Variants in STAG1 observed in about 807,000 individuals in gnomAD.
STAG1 encodes the protein STAG1 cohesin complex component, also known as cohesin subunit SA-1.
Under a neutral mutation model 170.9 loss-of-function variants are expected in STAG1, and 26 were observed. That is an observed-to-expected ratio of 0.15 (90% CI 0.11 to 0.21). STAG1 has a LOEUF of 0.21. STAG1 is among the 10% of genes least tolerant of loss of function. The pLI is 1.00. For synonymous variants in STAG1, 514 were observed against 497.7 expected (o/e 1.03, Z -0.44); for missense variants, 964 against 1,509.5 (o/e 0.64, Z 5.99).
At chr3:136,657,005 A>G (rs1033240921) in intron 1 of STAG1, among the ~76,000 whole-genome samples, 2 of 151,482 alleles carry the variant, frequency 1.3e-5, no homozygotes, top group Admixed American at 6.6e-5. Flanking sequence ...CTACTTTATA[A>G]TAGCCAAAAA....
chr3:136,690,461 T>C (rs1942685701), intron 1 of STAG1, among the ~76,000 whole-genome samples: 1 of 152,224 alleles, frequency 6.6e-6, no homozygotes, highest in Non-Finnish European at 1.5e-5. Context: ...GGTCTCAAAC[T>C]CCTGACCTCA....
At chr3:136,401,256 C>A (rs771224216) in intron 21 of STAG1, among the ~76,000 whole-genome samples, 3 of 152,086 alleles carry the variant, frequency 2.0e-5, no homozygotes, top group Non-Finnish European at 4.4e-5. Context: ...TAAGATACAT[C>A]AAGTATTCAA....
At chr3:136,345,455 G>GTTTTTTT (rs34593330) in intron 29 of STAG1, among the ~76,000 whole-genome samples, 10 of 99,274 alleles carry the variant, frequency 1.0e-4, no homozygotes, top group African/African-American at 1.3e-4. Flanking sequence ...TTACCTAGTT[G>GTTTTTTT]TTTTTTTTTT....
chr3:136,728,665 T>C (rs1324205632), intron 1 of STAG1, among the ~76,000 whole-genome samples: 3 of 152,234 alleles, frequency 2.0e-5, no homozygotes, highest in African/African-American at 7.2e-5. Flanking sequence ...TATTACTATA[T>C]TACTTTCTCT....
intron 3 of STAG1, among the ~76,000 whole-genome samples, chr3:136,604,892 C>G (rs148662589): frequency 1.3e-5 from 2 of 152,124 alleles, no homozygotes; most frequent in African/African-American, 4.8e-5. Context: ...TCAAATGATT[C>G]GCCCACCTTG....
intron 1 of STAG1, among the ~76,000 whole-genome samples, chr3:136,705,991 G>A (rs1362656833): frequency 1.3e-5 from 2 of 151,392 alleles, no homozygotes; most frequent in African/African-American, 2.4e-5. Flanking sequence ...GATCACTTGG[G>A]CACAGGAGAT....
intron 1 of STAG1, among the ~76,000 whole-genome samples, chr3:136,743,732 T>G (rs1034292172): frequency 6.6e-5 from 10 of 152,180 alleles, no homozygotes; most frequent in Admixed American, 5.9e-4. Context: ...CCCAACCTTT[T>G]TTATGAAGCC....
chr3:136,378,761 A>G (rs1159477828), intron 22 of STAG1, among the ~76,000 whole-genome samples: 1 of 152,210 alleles, frequency 6.6e-6, no homozygotes, highest in African/African-American at 2.4e-5. Flanking sequence ...TGATCCTAAG[A>G]AACAGTAATT....
At chr3:136,674,102 C>CA (rs1172904659) in intron 1 of STAG1, among the ~76,000 whole-genome samples, 233 of 44,144 alleles carry the variant, frequency 5.3e-3, no homozygotes, top group Middle Eastern at 0.024. Context: ...GACTCTGTCT[C>CA]AAAAAAAAAA....
chr3:136,440,300 G>A (rs564083766), intron 15 of STAG1, among the ~76,000 whole-genome samples: 2 of 152,116 alleles, frequency 1.3e-5, no homozygotes, highest in East Asian at 3.9e-4. Flanking sequence ...ACCAGGCCTG[G>A]CTAATTTTTC....
At chr3:136,527,280 C>T (rs371094103) in intron 6 of STAG1, among the ~76,000 whole-genome samples, 1 of 152,304 alleles carries the variant, frequency 6.6e-6, no homozygotes, top group East Asian at 1.9e-4. Context: ...TTCTTGGAGG[C>T]TTTGTTTGTT....
chr3:136,633,962 T>TTA lies in STAG1; in HGVS notation c.-83-2982_-83-2981insTA, dbSNP rs1212800689. Among the ~76,000 whole-genome samples the TTA allele has an allele frequency of 6.0e-5, 3 of 50,356 alleles. No homozygotes were observed. The East Asian group carries it at 4.6e-3, about 78-fold the overall frequency. 33.0% of individuals were successfully genotyped at this position (50,356 alleles called of 152,430 possible). The stretch of plus-strand genomic sequence containing the variant: ...AACATGGTGAAACCCTGTCTCTACT[T>TTA]AAAAAAAAAAAAAAAAAAAAAAAAA... On this transcript the variant is annotated intron_variant, in intron 1 of 33. Transcript: ENST00000383202.
At chr3:136,556,756 C>T (rs548827747) in intron 5 of STAG1, among the ~76,000 whole-genome samples, 2 of 151,886 alleles carry the variant, frequency 1.3e-5, no homozygotes, top group South Asian at 4.2e-4. Flanking sequence ...CTAATTCCTG[C>T]ATTTTTTGTA....
At chr3:136,400,079 C>A (rs1179773314) in intron 21 of STAG1, among the ~76,000 whole-genome samples, 1 of 151,826 alleles carries the variant, frequency 6.6e-6, no homozygotes, top group South Asian at 2.1e-4. Context: ...TGCACCACCA[C>A]ATCTGGTTAA....
intron 1 of STAG1, among the ~76,000 whole-genome samples, chr3:136,675,003 A>G (rs568440961): frequency 1.3e-5 from 2 of 152,352 alleles, no homozygotes; most frequent in African/African-American, 4.8e-5. Flanking sequence ...AACCTATTTA[A>G]ACATAATTAA....
chr3:136,416,238 C>A (rs2087768431), intron 21 of STAG1, among the ~76,000 whole-genome samples: 1 of 152,124 alleles, frequency 6.6e-6, no homozygotes, highest in African/African-American at 2.4e-5. Flanking sequence ...AAACTCCTGG[C>A]CTTGTGATCC....
intron 1 of STAG1, chr3:136,736,965 T>C: frequency 6.3e-7 from 1 of 1,596,968 alleles, no homozygotes; most frequent in South Asian, 1.1e-5. Context: ...CCTTTTGTGC[T>C]CTGTCAGCAT....
intron 10 of STAG1, among the ~76,000 whole-genome samples, chr3:136,474,967 CA>C (rs2089710280): frequency 6.6e-6 from 1 of 152,040 alleles, no homozygotes; most frequent in South Asian, 2.1e-4. Context: ...AAGAAAGATA[CA>C]GGGGTGAAAC....
intron 4 of STAG1, among the ~76,000 whole-genome samples, chr3:136,589,900 C>T (rs1340062797): frequency 6.6e-6 from 1 of 151,910 alleles, no homozygotes; most frequent in Non-Finnish European, 1.5e-5. Context: ...CACTGCACTC[C>T]GGCCTGGGTA....
Sources: allele counts gnomAD v4.1 joint callset (sites outside exome capture counted in the v4.1 genomes callset), GRCh38; gene constraint gnomAD v4.1.1; transcripts MANE v1.5; gene names NCBI Gene and HGNC (gene_info 2026-07-23, HGNC 2026-07-21).